The following TMX4 variants were observed in gnomAD, a reference collection of about 807,000 sequenced individuals.
The protein encoded by TMX4 is thioredoxin-related transmembrane protein 4.
In TMX4, 23 loss-of-function variants were observed where a neutral mutation model predicts 33.3. The ratio of observed to expected loss-of-function variants is 0.69; its 90% CI spans 0.50 to 0.98. The LOEUF is 0.98. TMX4 is among the 50% of genes least tolerant of loss of function. The pLI, the probability that TMX4 is intolerant of heterozygous loss-of-function variation, is 0.00. For synonymous variants in TMX4, 164 were observed against 161.5 expected (o/e 1.02, Z -0.12); for missense variants, 399 against 448.9 (o/e 0.89, Z 1.01).
At chr20:8,009,499 T>C (rs1032695286) in intron 2 of TMX4, among the ~76,000 whole-genome samples, 2 of 152,132 alleles carry the variant, frequency 1.3e-5, no homozygotes, top group African/African-American at 4.8e-5. Context: ...ATAATTGAGA[T>C]ACTTAGTGTC....
intron 4 of TMX4, among the ~76,000 whole-genome samples, chr20:7,996,560 C>A (rs1284598123): frequency 6.6e-6 from 1 of 152,178 alleles, no homozygotes; most frequent in African/African-American, 2.4e-5. Flanking sequence ...TGCTTTCTCT[C>A]ATCTTCCCAC....
At chr20:7,987,798 A>G (rs973367430) in intron 5 of TMX4, among the ~76,000 whole-genome samples, 4 of 152,216 alleles carry the variant, frequency 2.6e-5, no homozygotes, top group African/African-American at 9.6e-5. Flanking sequence ...CAGAACGTCA[A>G]TCATTTAAAA....
chr20:7,996,067 A>C lies in TMX4; in HGVS notation c.472T>G (p.Ser158Ala). 1 of 1,610,476 alleles carries C rather than the reference A, an allele frequency of 6.2e-7. No homozygotes were observed. Among genetic ancestry groups the C allele is most frequent in the Non-Finnish European group, 8.5e-7 (1 of 1,178,176 alleles). The change falls in exon 5 of 8, where the codon TCT becomes GCT. Residue 158 changes from serine to alanine, a missense_variant. Ser to Ala is a moderately conservative substitution (Grantham distance 99). Coordinates refer to ENST00000246024, the MANE Select transcript of TMX4 (RefSeq NM_021156.4). ...ATGCTAAAAAGACCAGCCATTCCAG[A>C]CATCCTTAAAAAAAAATAAAGAGAA... is the stretch of plus-strand genomic sequence containing the variant. The part of the protein sequence containing the change: ...GWKSPASLTM[S>A]GMAGLFSISG...
chr20:8,012,841 A>G (rs2050758383), intron 1 of TMX4, among the ~76,000 whole-genome samples: 1 of 152,178 alleles, frequency 6.6e-6, no homozygotes, highest in African/African-American at 2.4e-5. Flanking sequence ...ATTTCTACAT[A>G]GCTGCTATAC....
chr20:7,989,316 TTTATC>T (rs1340764229), intron 5 of TMX4, among the ~76,000 whole-genome samples: 2 of 152,184 alleles, frequency 1.3e-5, no homozygotes, highest in African/African-American at 4.8e-5. Context: ...TATCTGCTGA[TTTATC>T]TTACTCATAT....
At chr20:7,990,294 C>CA (rs11483773) in intron 5 of TMX4, among the ~76,000 whole-genome samples, 10,985 of 127,966 alleles carry the variant, frequency 0.086, 992 homozygotes, top group African/African-American at 0.24. Context: ...GACTCTGCCT[C>CA]AAAAAAAAAA....
At chr20:8,015,941 C>T (rs2050773123) in intron 1 of TMX4, among the ~76,000 whole-genome samples, 1 of 152,168 alleles carries the variant, frequency 6.6e-6, no homozygotes, top group African/African-American at 2.4e-5. Context: ...TTCTGAGTAT[C>T]AGCTTGAATG....
intron 2 of TMX4, among the ~76,000 whole-genome samples, chr20:8,008,368 T>C (rs1203152833): frequency 6.6e-6 from 1 of 152,160 alleles, no homozygotes; most frequent in Non-Finnish European, 1.5e-5. Flanking sequence ...CTTCTTTTAA[T>C]ATTTCAAGTA....
intron 1 of TMX4, 172 bp downstream of exon 1, chr20:8,019,266 A>G (rs72623514): frequency 0.097 from 70,959 of 732,872 alleles, 6,806 homozygotes; most frequent in East Asian, 0.53. Context: ...GCCCAGCGGC[A>G]GTGCAGGATC....
At chr20:8,001,675 A>C (rs1219457659) in intron 2 of TMX4, 134 bp from the exon 3 acceptor site, 1 of 866,870 alleles carries the variant, frequency 1.2e-6, no homozygotes, top group African/African-American at 1.7e-5. Flanking sequence ...TTTGACTTAC[A>C]GAAATTTCAT....
At chr20:8,000,840 T>C (rs565215288) in intron 3 of TMX4, among the ~76,000 whole-genome samples, 6 of 152,310 alleles carry the variant, frequency 3.9e-5, no homozygotes, top group African/African-American at 1.2e-4. Context: ...GTCACACTTA[T>C]CTTTTGCATT....
At chr20:8,005,208 G>GATCT (rs3030967) in intron 2 of TMX4, among the ~76,000 whole-genome samples, 3,706 of 152,272 alleles carry the variant, frequency 0.024, 93 homozygotes, top group East Asian at 0.065. Flanking sequence ...ACTCAAGGGT[G>GATCT]ATGAGCAGCT....
At position 7,981,980 on chromosome 20, in the gene TMX4, C is replaced by G; in HGVS notation, c.*271G>C. On this transcript the variant is annotated 3_prime_UTR_variant, in exon 8 of 8. Coordinates refer to ENST00000246024, the MANE Select transcript of TMX4 (RefSeq NM_021156.4). ...TGGGAATGGCCTCCTCTGGTCGAGA[C>G]TCTCTGACCCCTAAGTAAATGAACT... 2.6e-6 allele frequency: 1 copy of G among 378,218 alleles called. No homozygotes were observed. The highest frequency in any genetic ancestry group is 4.8e-6 in the Non-Finnish European group (1 of 209,972). 23.4% of individuals were successfully genotyped at this position (378,218 alleles called of 1,614,324 possible).
rs368443047 is a variant in TMX4, at chr20:7,999,725, G to T, written c.467+7C>A. 1 of 1,607,902 alleles carries T rather than the reference G, an allele frequency of 6.2e-7. No individual in the cohort carries two copies. The highest frequency in any genetic ancestry group is 1.3e-5 in the African/African-American group (1 of 74,412). On this transcript the variant is annotated splice_region_variant and intron_variant, in intron 4 of 7. Coordinates refer to ENST00000246024, the MANE Select transcript of TMX4 (RefSeq NM_021156.4). ...TAGTAACACCTTGTCTTAAAAAATT[G>T]AGTTACGTTAGAGAAGCCGGGGATT...
rs1387554240 is a variant in TMX4 at position 7,982,631 on chromosome 20, G to A, written c.680-10C>T. 4 of 1,599,446 alleles carry A rather than the reference G, an allele frequency of 2.5e-6. No individual in the cohort carries two copies. In the African/African-American group the frequency reaches 5.4e-5, roughly 22 times the overall value. ...GATCTCCGATTCTGCTCTATGGAGG[G>A]AAGAAAGAGGAATATCCTCTGAATA... On this transcript the variant is annotated splice_polypyrimidine_tract_variant and intron_variant, in intron 7 of 7. Transcript: ENST00000246024.
intron 2 of TMX4, among the ~76,000 whole-genome samples, chr20:8,004,876 T>C (rs922642716): frequency 2.0e-5 from 3 of 152,172 alleles, no homozygotes; most frequent in Non-Finnish European, 2.9e-5. Context: ...ACAGGGTTGT[T>C]ATGAAGCTAA....
intron 5 of TMX4, among the ~76,000 whole-genome samples, chr20:7,988,928 C>T (rs1462484760): frequency 6.6e-6 from 1 of 151,350 alleles, no homozygotes; most frequent in African/African-American, 2.4e-5. Flanking sequence ...GGGATTGAGG[C>T]AGGAGAATTG....
intron 1 of TMX4, among the ~76,000 whole-genome samples, chr20:8,012,240 A>C (rs544722126): frequency 6.6e-6 from 1 of 152,292 alleles, no homozygotes; most frequent in African/African-American, 2.4e-5. Flanking sequence ...TAATCTCTCC[A>C]TGCCTCAGTT....
intron 3 of TMX4, among the ~76,000 whole-genome samples, chr20:8,001,102 C>A (rs2050705204): frequency 6.6e-6 from 1 of 152,156 alleles, no homozygotes; most frequent in South Asian, 2.1e-4. Context: ...TCCAGCTATA[C>A]CTGTGGTCCA....
Sources: gnomAD v4.1 joint callset for allele counts (sites outside exome capture counted in the v4.1 genomes callset) on GRCh38, gnomAD v4.1.1 for gene constraint, MANE v1.5 for transcripts, NCBI Gene and HGNC (gene_info 2026-07-23, HGNC 2026-07-21) for gene names.